The following COX15 variants were observed in gnomAD, a reference collection of about 807,000 sequenced individuals.
The protein encoded by COX15 is heme A synthase COX15.
Under a neutral mutation model 51.9 loss-of-function variants are expected in COX15, and 51 were observed. That is an observed-to-expected ratio of 0.98 (90% CI 0.78 to 1.24). The LOEUF is 1.24. Among genes scored for constraint, COX15 ranks in the 50% most tolerant of loss-of-function variants. The pLI is 0.00. For missense variants in COX15, 420 were observed against 501.1 expected (o/e 0.84, Z 1.55); for synonymous variants, 188 against 190.5 (o/e 0.99, Z 0.11).
chr10:99,709,153 C>T (rs1247820038), downstream of COX15: 27 of 984,846 alleles, frequency 2.7e-5, no homozygotes, highest in African/African-American at 3.5e-5. Flanking sequence ...ATGACTACAG[C>T]CTAGATGAAG....
the COX15 span, among the ~76,000 whole-genome samples, chr10:99,695,293 G>A: frequency 6.6e-6 from 1 of 152,138 alleles, no homozygotes; most frequent in Non-Finnish European, 1.5e-5. Flanking sequence ...GGGAGGCTGA[G>A]AAGGGCTGAT....
In COX15 at chr10:99,711,256, G is replaced by A; in HGVS notation, c.*3331C>T. 1 of 985,330 alleles carries A rather than the reference G, an allele frequency of 1.0e-6. No individual in the cohort carries two copies. Among genetic ancestry groups the A allele is most frequent in the Non-Finnish European group, 1.2e-6 (1 of 829,890 alleles). 61.0% of individuals were successfully genotyped at this position (985,330 alleles called of 1,614,324 possible). A position where few individuals can be genotyped will look rare whatever the true frequency, so the allele number is the denominator to read the frequency against. The stretch of plus-strand genomic sequence containing the variant: ...TGAAACCTTAACTTACTCATGAGTT[G>A]CTACTTCCTTGGAGGCAACTGTAGA... On this transcript the variant is annotated 3_prime_UTR_variant, in exon 9 of 9. Transcript: ENST00000016171.
the COX15 span, chr10:99,704,912 C>CG: frequency 3.6e-6 from 2 of 554,296 alleles, no homozygotes; most frequent in Non-Finnish European, 6.5e-6. Flanking sequence ...GGTGCTAATA[C>CG]GGGGGACCAA....
At position 99,721,004 on chromosome 10, in the gene COX15, AAC is replaced by A; in HGVS notation, c.813_814del (p.Phe272ProfsTer19). On this transcript the variant is annotated frameshift_variant, in exon 6 of 9. Transcript: ENST00000016171. LOFTEE classifies it high-confidence loss of function. ...AGTCCTACCTGAGAGGGCCGTAAGG[AAC>A]ACCAGACCTGCTGTTCCATGAGCAA... The A allele has an allele frequency of 6.2e-7, 1 of 1,613,874 alleles. No individual in the cohort carries two copies. The highest frequency in any genetic ancestry group is 8.5e-7 in the Non-Finnish European group (1 of 1,179,950).
chr10:99,716,745 G>T, intron 7 of COX15: 1 of 362,830 alleles, frequency 2.8e-6, no homozygotes, highest in Non-Finnish European at 5.3e-6. Flanking sequence ...CTTCCAATGT[G>T]GGTGTCCCCC....
chr10:99,708,819 C>A, downstream of COX15: 1 of 985,386 alleles, frequency 1.0e-6, no homozygotes, highest in Non-Finnish European at 1.2e-6. Context: ...TGACTGGCCT[C>A]CTAGCCCAAC....
chr10:99,701,011 A>T, the COX15 span: 1 of 1,614,034 alleles, frequency 6.2e-7, no homozygotes, highest in Non-Finnish European at 8.5e-7. Context: ...TAACTCAGAG[A>T]TTCAAGAATG....
intron 4 of COX15, 67 bp from the exon 5 acceptor site, chr10:99,724,190 T>G (rs1174642240): frequency 4.4e-6 from 7 of 1,593,188 alleles, no homozygotes; most frequent in Non-Finnish European, 6.0e-6. Flanking sequence ...TTCTTTTTTT[T>G]GTTGTTTTTT....
At chr10:99,702,602 G>T in the COX15 span, 1 of 1,613,788 alleles carries the variant, frequency 6.2e-7, no homozygotes, top group Admixed American at 1.7e-5. Flanking sequence ...GGACAGCCCA[G>T]CTGGTGTATG....
chr10:99,694,538 G>GT, the COX15 span, among the ~76,000 whole-genome samples: 108,785 of 134,368 alleles, frequency 0.81, 44,192 homozygotes, highest in Middle Eastern at 0.88. Context: ...AAGTTTTTTT[G>GT]TTTTTTTTTT....
At chr10:99,702,247 T>C in the COX15 span, among the ~76,000 whole-genome samples, 1 of 152,024 alleles carries the variant, frequency 6.6e-6, no homozygotes, top group Non-Finnish European at 1.5e-5. Flanking sequence ...ATAATTACAT[T>C]TGTAGATATT....
downstream of COX15, among the ~76,000 whole-genome samples, chr10:99,708,207 A>T (rs2036289580): frequency 6.6e-6 from 1 of 152,156 alleles, no homozygotes; most frequent in South Asian, 2.1e-4. Flanking sequence ...TCAAGATCAT[A>T]TCCAGTGATT....
At chr10:99,706,149 T>G (rs1439733675), downstream of COX15, 1 of 151,956 alleles carries the variant, frequency 6.6e-6, no homozygotes, top group Non-Finnish European at 1.5e-5. Context: ...CAAAAATAAA[T>G]TTCATACTGG....
At position 99,714,362 on chromosome 10, in the gene COX15, T is replaced by G; in HGVS notation, c.*225A>C. On this transcript the variant is annotated 3_prime_UTR_variant, in exon 9 of 9. Transcript: ENST00000016171. ...ATTTCTTTCTCTACATTAAAACTGA[T>G]TTTCAACATGAAAAGCAGATTTAAA... is the stretch of plus-strand genomic sequence containing the variant. The G allele has an allele frequency of 7.4e-7, 1 of 1,345,062 alleles. No individual in the cohort carries two copies. Among genetic ancestry groups the G allele is most frequent in the Non-Finnish European group, 9.6e-7 (1 of 1,044,376 alleles). 83.3% of individuals were successfully genotyped at this position (1,345,062 alleles called of 1,614,324 possible). A position where few individuals can be genotyped will look rare whatever the true frequency, so the allele number is the denominator to read the frequency against.
rs2036420152 is a variant in COX15, at chr10:99,712,281, G to A, written c.*2306C>T. The A allele has an allele frequency of 2.0e-6, 2 of 985,244 alleles. No homozygotes were observed. Among genetic ancestry groups the A allele is most frequent in the African/African-American group, 3.5e-5 (2 of 57,220 alleles). 61.0% of individuals were successfully genotyped at this position (985,244 alleles called of 1,614,324 possible). A position where few individuals can be genotyped will look rare whatever the true frequency, so the allele number is the denominator to read the frequency against. On this transcript the variant is annotated 3_prime_UTR_variant, in exon 9 of 9. Coordinates refer to ENST00000016171, the MANE Select transcript of COX15 (RefSeq NM_078470.6). ...AGAGTACTGGAGTTGAAAGAGAACT[G>A]AGATCACCTAGTTCAGAGACTAACG...
the COX15 span, chr10:99,698,610 G>T: frequency 6.2e-7 from 1 of 1,614,216 alleles, no homozygotes; most frequent in Non-Finnish European, 8.5e-7. Context: ...ACTCACAGAT[G>T]TGGTGGAGAG....
At chr10:99,731,883 G>A (rs776545234) in intron 1 of COX15, 77 bp downstream of exon 1, 326 of 1,533,182 alleles carry the variant, frequency 2.1e-4, no homozygotes, top group Non-Finnish European at 2.7e-4. Context: ...CGTGATGTGG[G>A]GCTCTACATT....
chr10:99,725,626 C>T (rs1311532220), intron 4 of COX15, among the ~76,000 whole-genome samples: 1 of 152,168 alleles, frequency 6.6e-6, no homozygotes, highest in Non-Finnish European at 1.5e-5. Flanking sequence ...GGTGCAACCT[C>T]TCAGCTCGCT....
In COX15 at chr10:99,714,459, TTAAG is replaced by T. The variant is rs1241554473; in HGVS notation, c.*124_*127del. On this transcript the variant is annotated 3_prime_UTR_variant, in exon 9 of 9. Transcript: ENST00000016171. Reference sequence around the variant, plus strand: ...ACTATCTCAAAACAGGAAAAGATTTTTAAGTAAGTTGACCATTTGGAAACCACTT... The same window carrying T: ...ACTATCTCAAAACAGGAAAAGATTTTTAAGTTGACCATTTGGAAACCACTT... 7 of 1,546,444 alleles carry T rather than the reference TTAAG, an allele frequency of 4.5e-6. No homozygotes were observed. In the East Asian group the frequency reaches 9.3e-5, roughly 21 times the overall value.
Sources: allele counts gnomAD v4.1 joint callset (sites outside exome capture counted in the v4.1 genomes callset), GRCh38; gene constraint gnomAD v4.1.1; transcripts MANE v1.5; gene names NCBI Gene and HGNC (gene_info 2026-07-23, HGNC 2026-07-21).